The following ULK4 variants were observed in gnomAD, a reference collection of about 807,000 sequenced individuals.
ULK4 encodes unc-51 like kinase 4, also known as inactive serine/threonine-protein kinase ULK4.
A neutral mutation model predicts 160.6 loss-of-function variants in ULK4; 133 were observed. That is an observed-to-expected ratio of 0.83 (90% CI 0.72 to 0.96). The LOEUF (loss-of-function observed/expected upper bound fraction) is 0.96, where lower values mean the gene tolerates loss of function less well. ULK4 is among the 40% of genes least tolerant of loss of function. ULK4 has a pLI of 0.00. For synonymous variants in ULK4, 534 were observed against 539.8 expected, an observed-to-expected ratio of 0.99 and a Z score of 0.15; for missense variants, 1,580 against 1,499.5, an observed-to-expected ratio of 1.05 and a Z score of -0.89.
At chr3:41,800,900 A>G (rs1192761764) in intron 19 of ULK4, among the ~76,000 whole-genome samples, 1 of 152,230 alleles carries the variant, frequency 6.6e-6, no homozygotes, top group Non-Finnish European at 1.5e-5. Context: ...AATGAGTCCA[A>G]GGAAAAGCCC....
chr3:41,364,524 T>C (rs1363385094), intron 35 of ULK4, among the ~76,000 whole-genome samples: 6 of 152,262 alleles, frequency 3.9e-5, no homozygotes, highest in African/African-American at 1.4e-4. Context: ...TTTTTTTTCC[T>C]GGTATTTCTC....
intron 16 of ULK4, among the ~76,000 whole-genome samples, chr3:41,885,135 T>G (rs1697674643): frequency 6.6e-6 from 1 of 152,140 alleles, no homozygotes; most frequent in African/African-American, 2.4e-5. Flanking sequence ...ATTACAGGCT[T>G]GAGACACTGC....
At chr3:41,564,975 C>T (rs60217205) in intron 32 of ULK4, among the ~76,000 whole-genome samples, 9,330 of 152,158 alleles carry the variant, frequency 0.061, 857 homozygotes, top group African/African-American at 0.2. Context: ...GTTTGCCACA[C>T]CTCTTCTATG....
intron 29 of ULK4, among the ~76,000 whole-genome samples, chr3:41,681,215 T>G (rs2035911377): frequency 1.3e-5 from 2 of 152,132 alleles, no homozygotes; most frequent in Admixed American, 6.6e-5. Flanking sequence ...ATCATAACCC[T>G]CACCCCTTGA....
In ULK4 at chr3:41,611,547, T is replaced by A. The variant is rs78404617; in HGVS notation, c.3120+4122A>T. ...AGCCCCACAGTCCCTTTGACTGATC[T>A]CAAAAACCTCATTGGTGAAAACTTG... On this transcript the variant is annotated intron_variant, in intron 31 of 36. Coordinates refer to ENST00000301831, the MANE Select transcript of ULK4 (RefSeq NM_017886.4). Among the ~76,000 whole-genome samples the A allele has an allele frequency of 3.6e-3, 542 of 152,254 alleles. 3 individuals are homozygous for A. The East Asian group carries it at 0.041, about 11-fold the overall frequency.
intron 27 of ULK4, among the ~76,000 whole-genome samples, chr3:41,701,920 T>C (rs111929622): frequency 1.3e-5 from 2 of 152,080 alleles, no homozygotes; most frequent in Non-Finnish European, 1.5e-5. Context: ...AAAGAAAATA[T>C]ATAAATACCA....
chr3:41,630,652 G>A (rs1334409128), intron 30 of ULK4, among the ~76,000 whole-genome samples: 2 of 152,112 alleles, frequency 1.3e-5, no homozygotes, highest in East Asian at 3.8e-4. Flanking sequence ...GTGTTTAATT[G>A]ACTGGAAGTT....
chr3:41,795,059 T>C (rs2040264236), intron 20 of ULK4, among the ~76,000 whole-genome samples: 1 of 152,178 alleles, frequency 6.6e-6, no homozygotes, highest in African/African-American at 2.4e-5. Flanking sequence ...AATGTATCCA[T>C]TAACCTACAA....
chr3:41,703,652 A>C (rs2036758770), intron 27 of ULK4, among the ~76,000 whole-genome samples: 1 of 152,186 alleles, frequency 6.6e-6, no homozygotes, highest in African/African-American at 2.4e-5. Flanking sequence ...AAATAATTAC[A>C]ACAATCAAAG....
chr3:41,793,378 T>C (rs943844231), intron 20 of ULK4, among the ~76,000 whole-genome samples: 1 of 152,186 alleles, frequency 6.6e-6, no homozygotes, highest in African/African-American at 2.4e-5. Context: ...TGCATATCTG[T>C]TAGAAACATA....
Position 41,819,489 on chromosome 3 carries a change from G to T in ULK4, c.1782C>A (p.Asn594Lys), listed in dbSNP as rs754997064. ...AGGGAACAGCCCAGCACTCTCTAGG[G>T]TTCTTTTTTTTTTCTTCCTAAAATG... ...LVATQEEKKK[N>K]PRECWAVPLA... The change falls in exon 19 of 37, where the codon AAC (asparagine) becomes AAA (lysine). Residue 594 changes from asparagine to lysine, a missense_variant. By Grantham distance (94) the Asn-to-Lys change is moderately conservative. Coordinates refer to ENST00000301831, the MANE Select transcript of ULK4 (RefSeq NM_017886.4). The T allele has an allele frequency of 6.2e-7, 1 of 1,607,346 alleles. No homozygotes were observed. The highest frequency in any genetic ancestry group is 8.5e-7 in the Non-Finnish European group (1 of 1,178,876).
chr3:41,576,860 T>C (rs1281855166), intron 31 of ULK4, among the ~76,000 whole-genome samples: 2 of 152,172 alleles, frequency 1.3e-5, no homozygotes. Flanking sequence ...TGAAACAAAT[T>C]TTAATGAAAC....
At position 41,305,739 on chromosome 3, in the gene ULK4, G is replaced by A. The variant is rs1471679171; in HGVS notation, c.3679-56165C>T. On this transcript the variant is annotated intron_variant, in intron 35 of 36. Transcript: ENST00000301831. Reference sequence around the variant, plus strand: ...CTGCCCAGTCTGGAAAGTGAGGAGCGTCTCTGCCCGGCCGCCGTCCCACCT... The same window carrying A: ...CTGCCCAGTCTGGAAAGTGAGGAGCATCTCTGCCCGGCCGCCGTCCCACCT... Among the ~76,000 whole-genome samples the A allele has an allele frequency of 8.1e-5, 12 of 148,190 alleles. No individual in the cohort carries two copies. The South Asian group carries it at 1.3e-3, about 16-fold the overall frequency.
At position 41,842,163 on chromosome 3, in the gene ULK4, G is replaced by A. The variant is rs563793456; in HGVS notation, c.1657-6192C>T. 4.9e-3 allele frequency among the ~76,000 whole-genome samples: 680 copies of A among 138,742 alleles called. 6 individuals are homozygous for A. The highest frequency in any genetic ancestry group is 0.018 in the African/African-American group (649 of 35,248). The allele number at this position is 138,742 out of a possible 152,430, so 91.0% of individuals were successfully genotyped here. On this transcript the variant is annotated intron_variant, in intron 17 of 36. Coordinates refer to ENST00000301831, the MANE Select transcript of ULK4 (RefSeq NM_017886.4). ...ACAAAAAAAAAAAAAAGAAAATAAC[G>A]CTGCAATGAACATGTAAAAAAAAAA... is the stretch of plus-strand genomic sequence containing the variant.
At chr3:41,381,631 C>T (rs2081654083) in intron 35 of ULK4, among the ~76,000 whole-genome samples, 1 of 152,130 alleles carries the variant, frequency 6.6e-6, no homozygotes, top group Non-Finnish European at 1.5e-5. Flanking sequence ...CAAGATATAT[C>T]CAAAATATAA....
chr3:41,811,106 C>G (rs929456789), intron 19 of ULK4, among the ~76,000 whole-genome samples: 1 of 151,946 alleles, frequency 6.6e-6, no homozygotes, highest in Non-Finnish European at 1.5e-5. Flanking sequence ...AGGCTGGTCT[C>G]GAACTCTTGG....
intron 35 of ULK4, among the ~76,000 whole-genome samples, chr3:41,389,370 T>A (rs1216101545): frequency 1.3e-5 from 2 of 152,170 alleles, no homozygotes; most frequent in Admixed American, 6.5e-5. Flanking sequence ...TATTTCCTTC[T>A]CCTGCCTGAT....
intron 32 of ULK4, among the ~76,000 whole-genome samples, chr3:41,508,736 G>T (rs1325176645): frequency 6.6e-6 from 1 of 152,120 alleles, no homozygotes; most frequent in Non-Finnish European, 1.5e-5. Context: ...ATCACCGCAG[G>T]TTGGCTCTCA....
chr3:41,285,288 C>A (rs1219542497), intron 35 of ULK4, among the ~76,000 whole-genome samples: 1 of 152,176 alleles, frequency 6.6e-6, no homozygotes, highest in Non-Finnish European at 1.5e-5. Flanking sequence ...TACTTGCACA[C>A]GCATGTTTAT....
Sources: gnomAD v4.1 joint callset for allele counts (sites outside exome capture counted in the v4.1 genomes callset) on GRCh38, gnomAD v4.1.1 for gene constraint, MANE v1.5 for transcripts, NCBI Gene and HGNC (gene_info 2026-07-23, HGNC 2026-07-21) for gene names.